FOXK1: variants seen among roughly 807,000 people sequenced by gnomAD.
The protein encoded by FOXK1 is forkhead box protein K1.
Under a neutral mutation model 51.9 loss-of-function variants are expected in FOXK1, and 19 were observed. That is an observed-to-expected ratio of 0.37 (90% confidence interval 0.26 to 0.54). FOXK1 has a LOEUF of 0.54. Ranked by LOEUF, FOXK1 falls within the 20% of genes least tolerant of loss-of-function variation. The pLI is 0.87. For synonymous variants in FOXK1, 537 were observed against 482.6 expected (o/e 1.11, Z -1.48); for missense variants, 870 against 1,032.7 (o/e 0.84, Z 2.16).
rs1781047623 is a variant in FOXK1, at chr7:4,768,369, T to G, written c.*5905T>G. 1.4e-5 allele frequency: 2 copies of G among 138,224 alleles called. No homozygotes were observed. The highest frequency in any genetic ancestry group is 6.8e-5 in the Admixed American group (1 of 14,732). The allele number at this position is 138,224 out of a possible 1,614,324, so 8.6% of individuals were successfully genotyped here. On this transcript the variant is annotated 3_prime_UTR_variant, in exon 9 of 9. Coordinates refer to ENST00000328914, the MANE Select transcript of FOXK1 (RefSeq NM_001037165.2). ...GGATGGTCTCGATCTCCTGACCTCG[T>G]GATCCGCCCGCCTCGGCCTCCCAAA... is the stretch of plus-strand genomic sequence containing the variant.
At chr7:4,719,313 G>A (rs1780279626) in intron 1 of FOXK1, among the ~76,000 whole-genome samples, 2 of 151,748 alleles carry the variant, frequency 1.3e-5, no homozygotes, top group Admixed American at 6.6e-5. Flanking sequence ...TTTAAAAAAA[G>A]ATTCTTTTAA....
intron 1 of FOXK1, among the ~76,000 whole-genome samples, chr7:4,687,176 C>T (rs1779830357): frequency 6.6e-6 from 1 of 152,160 alleles, no homozygotes; most frequent in South Asian, 2.1e-4. Context: ...TCATGATCCA[C>T]CCTCCTCGGC....
rs1391168355 is a variant in FOXK1 at position 4,758,728 on chromosome 7, A to G, written c.1245-323A>G. 9.3e-6 allele frequency: 3 copies of G among 321,156 alleles called. No homozygotes were observed. In the Admixed American group the frequency reaches 1.4e-4, roughly 14 times the overall value. 19.9% of individuals were successfully genotyped at this position (321,156 alleles called of 1,614,324 possible). A position where few individuals can be genotyped will look rare whatever the true frequency, so the allele number is the denominator to read the frequency against. On this transcript the variant is annotated intron_variant, in intron 5 of 8. Transcript: ENST00000328914. This position sits in a 1 kb window ranked among gnomAD's most constrained non-coding sequence, Gnocchi z 4.4. ...AAACAGAAGCTTATGTTTTTGGCAC[A>G]GAAGGCCTGGGCCATTTTCATGGAC...
At chr7:4,759,247 G>A (rs527754335) in intron 6 of FOXK1, 30 bp downstream of exon 6, 1 of 1,609,074 alleles carries the variant, frequency 6.2e-7, no homozygotes, top group South Asian at 1.1e-5. Flanking sequence ...CTTGCGGGGC[G>A]GGGCGGGGCG....
intron 1 of FOXK1, among the ~76,000 whole-genome samples, chr7:4,727,303 T>C (rs962985015): frequency 6.6e-6 from 1 of 152,106 alleles, no homozygotes; most frequent in African/African-American, 2.4e-5. Context: ...TCTTTTACTT[T>C]ATTTTTAAAT....
chr7:4,711,166 G>C lies in FOXK1; in HGVS notation c.560+28298G>C, dbSNP rs1173960622. Among the ~76,000 whole-genome samples the C allele has an allele frequency of 6.6e-6, 1 of 152,176 alleles. No homozygotes were observed. The highest frequency in any genetic ancestry group is 2.4e-5 in the African/African-American group (1 of 41,444). On this transcript the variant is annotated intron_variant, in intron 1 of 8. Transcript: ENST00000328914. The surrounding 1 kb of genome is among the most constrained non-coding windows in gnomAD (Gnocchi z 6.3). ...CTACTCAAGCATGATGTCCGTTCCTGATGCCTTGCCCCGGGCAGCATGTGC... is the reference window on the plus strand; with the variant it reads ...CTACTCAAGCATGATGTCCGTTCCTCATGCCTTGCCCCGGGCAGCATGTGC...
At chr7:4,693,119 T>C (rs1054587305) in intron 1 of FOXK1, among the ~76,000 whole-genome samples, 1 of 152,212 alleles carries the variant, frequency 6.6e-6, no homozygotes, top group Admixed American at 6.5e-5. Context: ...TTGCCACCCC[T>C]GTGTGATTTT....
intron 1 of FOXK1, among the ~76,000 whole-genome samples, chr7:4,721,128 C>G (rs577538835): frequency 6.6e-6 from 1 of 152,192 alleles, no homozygotes; most frequent in Non-Finnish European, 1.5e-5. Context: ...AGTGCTTTCC[C>G]GAGTCAGCAG....
rs1293770893 is a variant in FOXK1 at position 4,756,231 on chromosome 7, C to T, written c.1051-763C>T. On this transcript the variant is annotated intron_variant, in intron 4 of 8. Transcript: ENST00000328914. This position sits in a 1 kb window ranked among gnomAD's most constrained non-coding sequence, Gnocchi z 4.1. ...CCAGGTTCAAGCGATTCTTCTGCTT[C>T]AGCCTCCCAAGTAGCTGGGGCTACA... 6.6e-6 allele frequency among the ~76,000 whole-genome samples: 1 copy of T among 152,166 alleles called. No individual in the cohort carries two copies. Among genetic ancestry groups the T allele is most frequent in the African/African-American group, 2.4e-5 (1 of 41,464 alleles).
At chr7:4,701,197 G>T (rs531873843) in intron 1 of FOXK1, among the ~76,000 whole-genome samples, 24 of 152,322 alleles carry the variant, frequency 1.6e-4, no homozygotes, top group Admixed American at 5.9e-4. Flanking sequence ...AACAGCAGGG[G>T]TTTGTTTTCT....
In FOXK1 at chr7:4,753,443, G is replaced by A. The variant is rs1049702223; in HGVS notation, c.747-1016G>A. On this transcript the variant is annotated intron_variant, in intron 2 of 8. Transcript: ENST00000328914. This position sits in a 1 kb window ranked among gnomAD's most constrained non-coding sequence, Gnocchi z 4.9. ...TCTGGGTGGTTCTGGATGGTTCTGG[G>A]TGGCCTGCAGGGCAGTGCAGCAGGG... 6.6e-6 allele frequency among the ~76,000 whole-genome samples: 1 copy of A among 152,064 alleles called. No individual in the cohort carries two copies. Among genetic ancestry groups the A allele is most frequent in the Non-Finnish European group, 1.5e-5 (1 of 67,998 alleles).
intron 1 of FOXK1, among the ~76,000 whole-genome samples, chr7:4,713,130 C>G (rs77539982): frequency 6.6e-6 from 1 of 152,186 alleles, no homozygotes; most frequent in African/African-American, 2.4e-5. Flanking sequence ...AAAAAGAATT[C>G]TTTTCCTGCC....
At chr7:4,688,979 C>CTTTTTT (rs565201321) in intron 1 of FOXK1, among the ~76,000 whole-genome samples, 4 of 141,838 alleles carry the variant, frequency 2.8e-5, no homozygotes, top group Non-Finnish European at 4.6e-5. Flanking sequence ...CTCACCTGCA[C>CTTTTTT]TTTTTTTTTT....
intron 1 of FOXK1, among the ~76,000 whole-genome samples, chr7:4,690,243 GAACA>G (rs1779874766): frequency 1.3e-5 from 2 of 152,268 alleles, no homozygotes; most frequent in Admixed American, 6.5e-5. Context: ...GAGCTGGGGA[GAACA>G]ATCACTGCTG....
In FOXK1 at chr7:4,698,584, C is replaced by T. The variant is rs527910720; in HGVS notation, c.560+15716C>T. Reference sequence around the variant, plus strand: ...TTGTTGTTGTTTGAGATAGGGACTCCCTGTGCCACCCAGGCCGGAGTACAG... The same window carrying T: ...TTGTTGTTGTTTGAGATAGGGACTCTCTGTGCCACCCAGGCCGGAGTACAG... On this transcript the variant is annotated intron_variant, in intron 1 of 8. Coordinates refer to ENST00000328914, the MANE Select transcript of FOXK1 (RefSeq NM_001037165.2). 3.9e-4 allele frequency among the ~76,000 whole-genome samples: 59 copies of T among 152,142 alleles called. 1 individual carries two copies. The highest frequency in any genetic ancestry group is 3.4e-3 in the Admixed American group (52 of 15,278).
chr7:4,752,547 G>T (rs1780793158), intron 2 of FOXK1, among the ~76,000 whole-genome samples: 2 of 152,334 alleles, frequency 1.3e-5, no homozygotes, highest in African/African-American at 4.8e-5. Flanking sequence ...AGTGCTGGGG[G>T]GTGCCCCTCA....
chr7:4,728,215 C>G (rs1014109555), intron 1 of FOXK1, among the ~76,000 whole-genome samples: 10 of 152,312 alleles, frequency 6.6e-5, no homozygotes, highest in African/African-American at 2.2e-4. Context: ...TTCTCTGATT[C>G]TTTGGATCAT....
In FOXK1 at chr7:4,759,395, C is replaced by G. The variant is rs750956393; in HGVS notation, c.1496C>G (p.Pro499Arg). 4.4e-6 allele frequency: 7 copies of G among 1,601,864 alleles called. No individual in the cohort carries two copies. Among genetic ancestry groups the G allele is most frequent in the Non-Finnish European group, 3.4e-6 (4 of 1,178,796 alleles). ...GTGGCCAAGCCCGTGGCCTACATGC[C>G]CGCCTCCATCGTAACCTCACAGCAG... ...SLVAKPVAYM[P>R]ASIVTSQQPA... The change falls in exon 7 of 9, where the codon CCC becomes CGC. Residue 499 changes from proline to arginine, a missense_variant. Pro to Arg is a moderately radical substitution (Grantham distance 103). Coordinates refer to ENST00000328914, the MANE Select transcript of FOXK1 (RefSeq NM_001037165.2).
chr7:4,717,570 C>G (rs2115045238), intron 1 of FOXK1, among the ~76,000 whole-genome samples: 1 of 152,166 alleles, frequency 6.6e-6, no homozygotes, highest in South Asian at 2.1e-4. Flanking sequence ...GGCTGGGAAG[C>G]AAGTGTCTGG....
Sources: allele counts gnomAD v4.1 joint callset (sites outside exome capture counted in the v4.1 genomes callset), GRCh38; gene constraint gnomAD v4.1.1; non-coding constraint Gnocchi (gnomAD v3.1); transcripts MANE v1.5; gene names NCBI Gene and HGNC (gene_info 2026-07-23, HGNC 2026-07-21).